Variants in CD109 observed in about 807,000 individuals in gnomAD.
The protein encoded by CD109 is CD109 antigen.
Under a neutral mutation model 165.8 loss-of-function variants are expected in CD109, and 149 were observed. The observed-to-expected ratio is 0.90, with a 90% CI of 0.79 to 1.03. The LOEUF (loss-of-function observed/expected upper bound fraction) is 1.03. Among genes scored for constraint, CD109 ranks in the 50% least tolerant of loss-of-function variants. CD109 has a pLI of 0.00. For missense variants in CD109, 1,712 were observed against 1,677.8 expected (o/e 1.02, Z -0.36); for synonymous variants, 585 against 592.1 (o/e 0.99, Z 0.18).
At chr6:73,707,327 G>C (rs1271499007) in intron 2 of CD109, among the ~76,000 whole-genome samples, 2 of 152,176 alleles carry the variant, frequency 1.3e-5, no homozygotes, top group Admixed American at 1.3e-4. Flanking sequence ...TAGCTACATA[G>C]GGGCTTGAGG....
intron 3 of CD109, among the ~76,000 whole-genome samples, chr6:73,729,062 G>A (rs563412278): frequency 1.5e-4 from 23 of 152,302 alleles, no homozygotes; most frequent in East Asian, 1.2e-3. Flanking sequence ...AGGCTGACAC[G>A]TGGTTGTTGG....
chr6:73,701,064 G>T (rs1771058548), intron 2 of CD109, among the ~76,000 whole-genome samples: 1 of 150,354 alleles, frequency 6.7e-6, no homozygotes, highest in Non-Finnish European at 1.5e-5. Context: ...GCCTCCCAAA[G>T]TGCTAGGATT....
chr6:73,711,994 C>T (rs1771556433), intron 2 of CD109, among the ~76,000 whole-genome samples: 1 of 152,142 alleles, frequency 6.6e-6, no homozygotes, highest in African/African-American at 2.4e-5. Context: ...TCCCTTACCT[C>T]CCTGCCATAT....
chr6:73,736,103 T>C (rs1447413457), intron 4 of CD109, among the ~76,000 whole-genome samples: 6 of 152,116 alleles, frequency 3.9e-5, no homozygotes, highest in Non-Finnish European at 7.4e-5. Flanking sequence ...AGCCTACGTT[T>C]TCCAAAATGT....
intron 2 of CD109, among the ~76,000 whole-genome samples, chr6:73,707,121 C>T (rs867336557): frequency 2.0e-5 from 3 of 152,244 alleles, no homozygotes; most frequent in Middle Eastern, 3.4e-3. Context: ...GAGGCTTGTT[C>T]GGGTGCCGTG....
the CD109 span, among the ~76,000 whole-genome samples, chr6:73,688,888 C>G: frequency 6.7e-6 from 1 of 149,190 alleles, no homozygotes; most frequent in African/African-American, 2.5e-5. Flanking sequence ...CCTACCTCAG[C>G]TTCCTAAGTA....
chr6:73,733,461 G>A (rs1014171855), intron 4 of CD109, among the ~76,000 whole-genome samples: 1 of 152,192 alleles, frequency 6.6e-6, no homozygotes, highest in African/African-American at 2.4e-5. Flanking sequence ...CTTCTCAGGA[G>A]GGAAAGGAGC....
Position 73,807,198 on chromosome 6 carries a change from G to C in CD109, c.3189+126G>C, listed in dbSNP as rs1775597498. On this transcript the variant is annotated intron_variant, in intron 25 of 32. Transcript: ENST00000287097. ...TACAACACATGTGAAATCTGAATTT[G>C]AGTACTCTTTTGCTTTGCATTTGTG... The C allele has an allele frequency of 4.3e-6, 3 of 693,632 alleles. No homozygotes were observed. In the East Asian group the frequency reaches 8.1e-5, roughly 19 times the overall value. The allele number at this position is 693,632 out of a possible 1,614,324, so 43.0% of individuals were successfully genotyped here. A position where few individuals can be genotyped will look rare whatever the true frequency, so the allele number is the denominator to read the frequency against.
intron 5 of CD109, among the ~76,000 whole-genome samples, chr6:73,739,141 T>A (rs1359733939): frequency 6.6e-6 from 1 of 152,224 alleles, no homozygotes; most frequent in Admixed American, 6.5e-5. Context: ...TTGAACCAAA[T>A]GCAATTTTCC....
At chr6:73,765,020 T>C (rs933466312) in intron 10 of CD109, among the ~76,000 whole-genome samples, 6 of 151,566 alleles carry the variant, frequency 4.0e-5, no homozygotes, top group African/African-American at 1.2e-4. Context: ...AGGGGGAGAG[T>C]TGGCTGTGGG....
At chr6:73,821,876 ATAAG>A (rs1482886902) in intron 32 of CD109, among the ~76,000 whole-genome samples, 10 of 152,222 alleles carry the variant, frequency 6.6e-5, no homozygotes, top group Non-Finnish European at 1.0e-4. Context: ...CAGTAAATAA[ATAAG>A]TAACAAATAA....
chr6:73,818,787 G>A (rs3005510), intron 31 of CD109, among the ~76,000 whole-genome samples: 85,352 of 151,964 alleles, frequency 0.56, 24,343 homozygotes, highest in African/African-American at 0.66. Context: ...CATGCCAGAT[G>A]TGAAATACAT....
At chr6:73,806,817 A>T (rs760767508) in intron 24 of CD109, 27 bp from the exon 25 acceptor site, 7 of 1,548,254 alleles carry the variant, frequency 4.5e-6, no homozygotes, top group African/African-American at 1.4e-5. Context: ...AGTGTATTTT[A>T]TGTAATTTTT....
chr6:73,822,308 G>A (rs2917869), intron 32 of CD109, among the ~76,000 whole-genome samples: 110,191 of 152,152 alleles, frequency 0.72, 41,407 homozygotes, highest in East Asian at 0.97. Flanking sequence ...GAACATTTTT[G>A]TGTGTTAGGT....
chr6:73,732,138 A>C (rs1272913821), intron 4 of CD109, among the ~76,000 whole-genome samples: 1 of 152,178 alleles, frequency 6.6e-6, no homozygotes, highest in East Asian at 1.9e-4. Context: ...CTGATTTTAA[A>C]ACTGAAAAGT....
At chr6:73,805,516 C>T (rs949282860) in intron 24 of CD109, among the ~76,000 whole-genome samples, 1 of 152,184 alleles carries the variant, frequency 6.6e-6, no homozygotes, top group Non-Finnish European at 1.5e-5. Context: ...CCTCTTATCT[C>T]AACTGCAAAG....
chr6:73,787,718 G>A (rs529604672), intron 21 of CD109, among the ~76,000 whole-genome samples: 23 of 152,160 alleles, frequency 1.5e-4, no homozygotes, highest in South Asian at 4.1e-4. Context: ...ACTGTGTTAC[G>A]TTGGGATCCT....
intron 3 of CD109, among the ~76,000 whole-genome samples, chr6:73,727,221 C>T (rs1772172526): frequency 6.6e-6 from 1 of 152,100 alleles, no homozygotes. Context: ...CCATTGTTAA[C>T]CATGGAGCAC....
chr6:73,781,209 T>G, intron 16 of CD109, 50 bp from the exon 17 acceptor site: 8 of 1,469,808 alleles, frequency 5.4e-6, no homozygotes, highest in Non-Finnish European at 7.6e-6. Context: ...GATAATTTAG[T>G]GAGCATTTAA....
Sources: gnomAD v4.1 joint callset for allele counts (sites outside exome capture counted in the v4.1 genomes callset) on GRCh38, gnomAD v4.1.1 for gene constraint, MANE v1.5 for transcripts, NCBI Gene and HGNC (gene_info 2026-07-23, HGNC 2026-07-21) for gene names.